The following ZNF257 variants were observed in gnomAD, a reference collection of about 807,000 sequenced individuals.
ZNF257 encodes the protein bone marrow zinc finger 4.
Under a neutral mutation model 11.9 loss-of-function variants are expected in ZNF257, and 12 were observed. The ratio of observed to expected loss-of-function variants is 1.01; its 90% CI spans 0.65 to 1.63. ZNF257 has a LOEUF of 1.63. Ranked by LOEUF, ZNF257 falls within the 40% of genes most tolerant of loss-of-function variation. ZNF257 has a pLI of 0.00. For synonymous variants in ZNF257, 183 were observed against 222.7 expected, an observed-to-expected ratio of 0.82 and a Z score of 1.59; for missense variants, 580 against 665.5, an observed-to-expected ratio of 0.87 and a Z score of 1.41.
intron 3 of ZNF257, among the ~76,000 whole-genome samples, chr19:22,082,595 T>A (rs1180889619): frequency 6.6e-6 from 1 of 152,168 alleles, no homozygotes; most frequent in Non-Finnish European, 1.5e-5. Flanking sequence ...GTATTATTGG[T>A]CAGGTATGAT....
At chr19:22,072,384 T>C (rs2022123330) in intron 1 of ZNF257, among the ~76,000 whole-genome samples, 1 of 152,114 alleles carries the variant, frequency 6.6e-6, no homozygotes, top group Non-Finnish European at 1.5e-5. Flanking sequence ...AGTCCAGCAA[T>C]ACTAGGAAAA....
rs376950393 is a variant in ZNF257, at chr19:22,088,484, C to T, written c.734C>T (p.Thr245Ile). 5 of 1,612,118 alleles carry T rather than the reference C, an allele frequency of 3.1e-6. No individual in the cohort carries two copies. The highest frequency in any genetic ancestry group is 1.1e-5 in the South Asian group (1 of 90,762). The change falls in exon 4 of 4, where the codon ACT becomes ATT. Residue 245 changes from threonine to isoleucine, a missense_variant. Transcript: ENST00000594947. Reference protein sequence around the residue: ...GKAFNRSSHLTQHKVIHTREK... With the variant: ...GKAFNRSSHLIQHKVIHTREK... The stretch of plus-strand genomic sequence containing the variant: ...GCTTTTAACCGGTCTTCACACCTTA[C>T]TCAACATAAGGTAATTCATACTAGA...
chr19:22,074,593 C>G (rs923252725), intron 3 of ZNF257: 1 of 152,126 alleles, frequency 6.6e-6, no homozygotes, highest in African/African-American at 2.4e-5. Context: ...CTCAGATGAT[C>G]CGCCCTTGTC....
At chr19:22,076,488 T>C (rs1174437583) in intron 3 of ZNF257, among the ~76,000 whole-genome samples, 1 of 152,100 alleles carries the variant, frequency 6.6e-6, no homozygotes, top group East Asian at 1.9e-4. Context: ...TTCTGCATTA[T>C]CTCTAAAATT....
intron 1 of ZNF257, among the ~76,000 whole-genome samples, chr19:22,062,406 G>C (rs1487684916): frequency 6.6e-6 from 1 of 151,482 alleles, no homozygotes; most frequent in Non-Finnish European, 1.5e-5. Context: ...TTACAGGTGT[G>C]AGCCACTGCG....
chr19:22,072,813 C>T lies in ZNF257; in HGVS notation c.8C>T (p.Pro3Leu), dbSNP rs772480737. 1.9e-6 allele frequency: 3 copies of T among 1,609,814 alleles called. No individual in the cohort carries two copies. The highest frequency in any genetic ancestry group is 4.5e-5 in the East Asian group (2 of 44,748). ...CTGTGTTTGTGTGTTTTTCAGGGAC[C>T]ACTGACAATTAGGGATGTGACTGTA... The part of the protein sequence containing the change: MG[P>L]LTIRDVTVEF... The change falls in exon 2 of 4, where the codon CCA (proline) becomes CTA (leucine). Residue 3 changes from proline to leucine, a missense_variant. Transcript: ENST00000594947.
chr19:22,069,799 ATATT>A lies in ZNF257; in HGVS notation c.4-3009_4-3006del, dbSNP rs200525168. The stretch of plus-strand genomic sequence containing the variant: ...ATTTGTTTAAATGGATTATTAGTAT[ATATT>A]AGGAAATTGACAGGGCAGTAGCTAA... On this transcript the variant is annotated intron_variant, in intron 1 of 3. Transcript: ENST00000594947. 7.5e-3 allele frequency among the ~76,000 whole-genome samples: 1,143 copies of A among 152,274 alleles called. 12 individuals are homozygous for A. Among genetic ancestry groups the A allele is most frequent in the African/African-American group, 0.026 (1,072 of 41,510 alleles).
intron 1 of ZNF257, 56 bp downstream of exon 1, chr19:22,052,691 T>C (rs1971731213): frequency 6.3e-7 from 1 of 1,593,140 alleles, no homozygotes; most frequent in Admixed American, 1.7e-5. Flanking sequence ...TTGGAACCTG[T>C]GGGAAGTCGC....
At chr19:22,071,677 G>A (rs938109424) in intron 1 of ZNF257, among the ~76,000 whole-genome samples, 1 of 152,028 alleles carries the variant, frequency 6.6e-6, no homozygotes, top group Non-Finnish European at 1.5e-5. Context: ...ATATACCAGA[G>A]CCTTCTACAT....
intron 1 of ZNF257, among the ~76,000 whole-genome samples, chr19:22,066,829 A>G (rs2021961034): frequency 1.3e-5 from 2 of 152,220 alleles, no homozygotes; most frequent in Non-Finnish European, 2.9e-5. Context: ...TTATGGACTA[A>G]TTATGATGAA....
chr19:22,083,938 T>C (rs1453006769), intron 3 of ZNF257, among the ~76,000 whole-genome samples: 2 of 151,926 alleles, frequency 1.3e-5, no homozygotes, highest in South Asian at 2.1e-4. Flanking sequence ...TCAGGAGTTC[T>C]AGACCAGCCT....
At chr19:22,075,714 T>C (rs1248079387) in intron 3 of ZNF257, 2 of 152,218 alleles carry the variant, frequency 1.3e-5, no homozygotes, top group Non-Finnish European at 2.9e-5. Flanking sequence ...TTTCACAACT[T>C]CATCCCTGGA....
At position 22,072,937 on chromosome 19, in the gene ZNF257, T is replaced by C. The variant is rs773687816; in HGVS notation, c.130+2T>C. 4.3e-6 allele frequency: 7 copies of C among 1,610,998 alleles called. No individual in the cohort carries two copies. Among genetic ancestry groups the C allele is most frequent in the Non-Finnish European group, 5.9e-6 (7 of 1,178,690 alleles). ...ACTACAGAAACCTGGTCTTCCTGGGTGAGGATAACTTCAGTACTCAATTCC... is the reference window on the plus strand; with the variant it reads ...ACTACAGAAACCTGGTCTTCCTGGGCGAGGATAACTTCAGTACTCAATTCC... On this transcript the variant is annotated splice_donor_variant, in intron 2 of 3. Coordinates refer to ENST00000594947, the MANE Select transcript of ZNF257 (RefSeq NM_033468.4). LOFTEE classifies it high-confidence loss of function.
chr19:22,083,455 T>C (rs1402971064), intron 3 of ZNF257, among the ~76,000 whole-genome samples: 2 of 151,896 alleles, frequency 1.3e-5, no homozygotes, highest in South Asian at 2.1e-4. Flanking sequence ...GGGTGACGAG[T>C]GAAACTCCAT....
chr19:22,079,309 C>T (rs964623769), intron 3 of ZNF257, among the ~76,000 whole-genome samples: 1 of 152,024 alleles, frequency 6.6e-6, no homozygotes, highest in Non-Finnish European at 1.5e-5. Flanking sequence ...TATAATGCCT[C>T]CTTGTTCTTT....
At chr19:22,058,743 G>A (rs2021710870) in intron 1 of ZNF257, among the ~76,000 whole-genome samples, 1 of 152,100 alleles carries the variant, frequency 6.6e-6, no homozygotes, top group Non-Finnish European at 1.5e-5. Flanking sequence ...AAAACTTAAA[G>A]GAAAGAAGCT....
chr19:22,083,209 C>T (rs2022398197), intron 3 of ZNF257, among the ~76,000 whole-genome samples: 1 of 152,116 alleles, frequency 6.6e-6, no homozygotes, highest in Non-Finnish European at 1.5e-5. Context: ...GTGGCTCACA[C>T]CTGTAATCCC....
chr19:22,061,808 C>T (rs1357336210), intron 1 of ZNF257, among the ~76,000 whole-genome samples: 1 of 151,848 alleles, frequency 6.6e-6, no homozygotes, highest in Admixed American at 6.6e-5. Flanking sequence ...AAGTATGTAC[C>T]TTCAATGCCT....
At chr19:22,073,675 TA>T (rs1568485413) in intron 3 of ZNF257, 111 bp downstream of exon 3, 1 of 1,368,978 alleles carries the variant, frequency 7.3e-7, no homozygotes, top group African/African-American at 1.5e-5. Flanking sequence ...CCAAGGGATA[TA>T]GTTTCTGGAA....
Sources: gnomAD v4.1 joint callset for allele counts (sites outside exome capture counted in the v4.1 genomes callset) on GRCh38, gnomAD v4.1.1 for gene constraint, MANE v1.5 for transcripts, NCBI Gene and HGNC (gene_info 2026-07-23, HGNC 2026-07-21) for gene names.